UCMA: variants seen among roughly 807,000 people sequenced by gnomAD.
UCMA encodes upper zone of growth plate and cartilage matrix-associated protein.
UCMA carries 21 observed loss-of-function variants against 21.8 expected under a neutral mutation model. That is an observed-to-expected ratio of 0.97 (90% CI 0.68 to 1.39). The LOEUF is 1.39. Ranked by LOEUF, UCMA falls within the 40% of genes most tolerant of loss-of-function variation. UCMA has a pLI of 0.00. For synonymous variants in UCMA, 76 were observed against 67.9 expected (o/e 1.12, Z -0.58); for missense variants, 193 against 178.9 (o/e 1.08, Z -0.45).
At chr10:13,222,289 G>A in intron 4 of UCMA, 89 bp from the exon 5 acceptor site, 1 of 1,172,830 alleles carries the variant, frequency 8.5e-7, no homozygotes, top group Non-Finnish European at 1.2e-6. Flanking sequence ...CCCCTGCCCT[G>A]TGGTGACCTG....
At chr10:13,223,713 G>A (rs780830276) in intron 4 of UCMA, among the ~76,000 whole-genome samples, 11 of 151,808 alleles carry the variant, frequency 7.2e-5, no homozygotes, top group East Asian at 5.8e-4. Context: ...CACCACGCCC[G>A]CCTAATTTTT....
intron 4 of UCMA, among the ~76,000 whole-genome samples, chr10:13,222,751 C>T (rs775300370): frequency 3.3e-5 from 5 of 151,444 alleles, no homozygotes; most frequent in Admixed American, 1.3e-4. Flanking sequence ...AGTGCAGTGG[C>T]GTGATCATGA....
intron 4 of UCMA, among the ~76,000 whole-genome samples, chr10:13,227,401 C>A (rs1050572246): frequency 6.6e-6 from 1 of 152,182 alleles, no homozygotes; most frequent in Non-Finnish European, 1.5e-5. Flanking sequence ...GCATTACAAT[C>A]TTGAAATTTG....
In UCMA at chr10:13,221,894, C is replaced by T; in HGVS notation, c.*209G>A. 1.7e-6 allele frequency: 1 copy of T among 579,308 alleles called. No individual in the cohort carries two copies. The highest frequency in any genetic ancestry group is 3.1e-6 in the Non-Finnish European group (1 of 326,280). The allele number at this position is 579,308 out of a possible 1,614,324, so 35.9% of individuals were successfully genotyped here. ...CTAGGAGGCCCTGCAGGCAGTTGCT[C>T]ACCTCAGAAGATGGTCTGCAAAGAG... On this transcript the variant is annotated 3_prime_UTR_variant, in exon 5 of 5. Transcript: ENST00000378681.
chr10:13,230,862 G>A (rs1156425064), intron 3 of UCMA, among the ~76,000 whole-genome samples: 2 of 152,160 alleles, frequency 1.3e-5, no homozygotes, highest in African/African-American at 4.8e-5. Context: ...TTCAAGCCCA[G>A]CCTGGCCAAC....
intron 4 of UCMA, among the ~76,000 whole-genome samples, chr10:13,225,447 G>C (rs1322286039): frequency 2.0e-5 from 3 of 152,220 alleles, no homozygotes; most frequent in Non-Finnish European, 4.4e-5. Flanking sequence ...GGCCGAGGTG[G>C]GCAGATCACC....
At chr10:13,231,199 T>C (rs758477194) in intron 3 of UCMA, among the ~76,000 whole-genome samples, 2 of 152,182 alleles carry the variant, frequency 1.3e-5, no homozygotes, top group Non-Finnish European at 2.9e-5. Flanking sequence ...GAACTGGGCT[T>C]AGTGCAGATT....
At chr10:13,229,543 G>T in intron 4 of UCMA, 68 bp downstream of exon 4, 2 of 1,401,432 alleles carry the variant, frequency 1.4e-6, no homozygotes, top group Non-Finnish European at 2.0e-6. Context: ...TAGAAGAAGA[G>T]AAAGCAAACC....
In UCMA at chr10:13,233,636, G is replaced by GA; in HGVS notation, c.125-4dup. 1 of 1,614,122 alleles carries GA rather than the reference G, an allele frequency of 6.2e-7. No individual in the cohort carries two copies. The stretch of plus-strand genomic sequence containing the variant: ...CATGAAAATCTTCTGTTTTGCATCT[G>GA]AAACCCGGGAGAGGCCTGTCACCAG... On this transcript the variant is annotated splice_polypyrimidine_tract_variant and splice_region_variant and intron_variant, in intron 2 of 4. Coordinates refer to ENST00000378681, the MANE Select transcript of UCMA (RefSeq NM_145314.3).
At chr10:13,223,097 A>G (rs1330717987) in intron 4 of UCMA, among the ~76,000 whole-genome samples, 2 of 151,792 alleles carry the variant, frequency 1.3e-5, no homozygotes, top group Non-Finnish European at 2.9e-5. Flanking sequence ...ATGGTGACAC[A>G]CACCTGTAAT....
chr10:13,230,499 C>T (rs1834884010), intron 3 of UCMA, among the ~76,000 whole-genome samples: 1 of 152,172 alleles, frequency 6.6e-6, no homozygotes, highest in Non-Finnish European at 1.5e-5. Context: ...TGGAGAAACC[C>T]ATGAAGCCAG....
At chr10:13,228,002 G>A (rs115526382) in intron 4 of UCMA, among the ~76,000 whole-genome samples, 1,850 of 151,860 alleles carry the variant, frequency 0.012, 38 homozygotes, top group African/African-American at 0.042. Context: ...TCTGCCAAGG[G>A]GTTGAGGGGT....
chr10:13,230,255 T>C (rs4750321), intron 3 of UCMA, among the ~76,000 whole-genome samples: 112,056 of 151,904 alleles, frequency 0.74, 41,683 homozygotes, highest in East Asian at 0.77. Context: ...CTGCAGTAAG[T>C]TATGATTGTA....
intron 1 of UCMA, among the ~76,000 whole-genome samples, 188 bp downstream of exon 1, chr10:13,234,013 G>GTT (rs145048266): frequency 2.1e-4 from 32 of 151,752 alleles, no homozygotes; most frequent in South Asian, 1.0e-3. Context: ...TTTCTTTACT[G>GTT]TTTTTTATTA....
At chr10:13,233,842 G>T in intron 1 of UCMA, 42 bp from the exon 2 acceptor site, 1 of 1,611,288 alleles carries the variant, frequency 6.2e-7, no homozygotes, top group Non-Finnish European at 8.5e-7. Flanking sequence ...GCATCAGAGG[G>T]GAGCCCAGAC....
chr10:13,230,099 C>T (rs546499078), intron 3 of UCMA, among the ~76,000 whole-genome samples: 72 of 152,262 alleles, frequency 4.7e-4, no homozygotes, highest in Non-Finnish European at 8.4e-4. Flanking sequence ...GCTCTTATCA[C>T]GGCCAGGATG....
Position 13,234,239 on chromosome 10 carries a change from A to G in UCMA, c.20T>C (p.Val7Ala). The G allele has an allele frequency of 6.2e-7, 1 of 1,613,890 alleles. No homozygotes were observed. The highest frequency in any genetic ancestry group is 1.3e-5 in the African/African-American group (1 of 75,012). ...CACGGCGGAGAAGCAAGACAGCAGG[A>G]CGGCCTGTCTCCAAGTCATCTTTGC... is the stretch of plus-strand genomic sequence containing the variant. MTWRQA[V>A]LLSCFSAVVL... The change falls in exon 1 of 5, where the codon GTC becomes GCC. Residue 7 changes from valine to alanine, a missense_variant. Coordinates refer to ENST00000378681, the MANE Select transcript of UCMA (RefSeq NM_145314.3).
intron 4 of UCMA, among the ~76,000 whole-genome samples, chr10:13,227,406 A>G (rs1156589376): frequency 6.6e-6 from 1 of 152,210 alleles, no homozygotes; most frequent in Non-Finnish European, 1.5e-5. Flanking sequence ...ACAATCTTGA[A>G]ATTTGGAGAA....
chr10:13,230,266 C>T (rs1834880779), intron 3 of UCMA, among the ~76,000 whole-genome samples: 1 of 152,136 alleles, frequency 6.6e-6, no homozygotes, highest in African/African-American at 2.4e-5. Context: ...TATGATTGTA[C>T]TGCTGCACTC....
Sources: allele counts gnomAD v4.1 joint callset (sites outside exome capture counted in the v4.1 genomes callset), GRCh38; gene constraint gnomAD v4.1.1; transcripts MANE v1.5; gene names NCBI Gene and HGNC (gene_info 2026-07-23, HGNC 2026-07-21).